Variants in MED12L observed in about 807,000 individuals in gnomAD.
MED12L encodes the protein mediator complex subunit 12L, also known as mediator of RNA polymerase II transcription subunit 12-like protein.
MED12L carries 60 observed loss-of-function variants against 281.3 expected under a neutral mutation model. The observed-to-expected ratio is 0.21, with a 90% CI of 0.17 to 0.26. MED12L has a LOEUF of 0.26. Among genes scored for constraint, MED12L ranks in the 10% least tolerant of loss-of-function variants. The pLI is 1.00. For missense variants in MED12L, 2,146 were observed against 2,680.9 expected (o/e 0.80, Z 4.41); for synonymous variants, 974 against 987.2 (o/e 0.99, Z 0.25).
At chr3:151,322,548 G>T (rs940610799) in intron 16 of MED12L, among the ~76,000 whole-genome samples, 4 of 152,056 alleles carry the variant, frequency 2.6e-5, no homozygotes, top group East Asian at 1.9e-4. Flanking sequence ...GATAAGGGTT[G>T]CTTCTACTTC....
At chr3:151,338,811 C>T in intron 16 of MED12L, 1 of 1,613,654 alleles carries the variant, frequency 6.2e-7, no homozygotes, top group Non-Finnish European at 8.5e-7. Flanking sequence ...ACTGGTGTTA[C>T]CAGGCGCAGA....
At chr3:151,415,169 A>G (rs1717399353) in intron 42 of MED12L, among the ~76,000 whole-genome samples, 1 of 152,212 alleles carries the variant, frequency 6.6e-6, no homozygotes, top group Admixed American at 6.5e-5. Context: ...GCCTTTTCTT[A>G]TTAGACCATA....
At chr3:151,120,955 C>G (rs1396620968) in intron 3 of MED12L, among the ~76,000 whole-genome samples, 1 of 152,204 alleles carries the variant, frequency 6.6e-6, no homozygotes, top group Non-Finnish European at 1.5e-5. Flanking sequence ...CATGCAGTCA[C>G]TGTGTTCCAT....
At position 151,366,558 on chromosome 3, in the gene MED12L, A is replaced by G. The variant is rs557081775; in HGVS notation, c.3327+567A>G. On this transcript the variant is annotated intron_variant, in intron 23 of 44. Transcript: ENST00000687756. ...CCTTGGATATCATGTTGCATCCATG[A>G]TGTGTGTATTTCTTTAAAAATCTGT... Among the ~76,000 whole-genome samples, 7 of 152,254 alleles carry G rather than the reference A, an allele frequency of 4.6e-5. No individual in the cohort carries two copies. The South Asian group carries it at 1.4e-3, about 31-fold the overall frequency.
chr3:151,154,337 A>T (rs894721831), intron 5 of MED12L, among the ~76,000 whole-genome samples: 4 of 152,160 alleles, frequency 2.6e-5, no homozygotes, highest in African/African-American at 7.2e-5. Flanking sequence ...CAACGTTTTT[A>T]AAAAAGATAT....
chr3:151,320,812 G>C (rs1424156858), intron 16 of MED12L, among the ~76,000 whole-genome samples: 2 of 152,186 alleles, frequency 1.3e-5, no homozygotes, highest in Admixed American at 6.5e-5. Context: ...GTGTCCGGCT[G>C]TGACAAGACT....
chr3:151,234,955 A>G lies in MED12L; in HGVS notation c.2250+41289A>G, dbSNP rs574858388. 2.6e-5 allele frequency among the ~76,000 whole-genome samples: 4 copies of G among 152,338 alleles called. No homozygotes were observed. The East Asian group carries it at 5.8e-4, about 22-fold the overall frequency. Reference sequence around the variant, plus strand: ...CAAACGTTCCAGCGAACTTTCTTCTATCTCTTCTATTTCTAACCACGTCAT... The same window carrying G: ...CAAACGTTCCAGCGAACTTTCTTCTGTCTCTTCTATTTCTAACCACGTCAT... On this transcript the variant is annotated intron_variant, in intron 16 of 44. Transcript: ENST00000687756.
intron 40 of MED12L, 73 bp downstream of exon 40, chr3:151,409,405 T>C (rs1384886903): frequency 7.6e-7 from 1 of 1,313,006 alleles, no homozygotes; most frequent in Non-Finnish European, 1.1e-6. Flanking sequence ...ATTAAGTAAA[T>C]AGAATATATC....
intron 39 of MED12L, among the ~76,000 whole-genome samples, chr3:151,407,911 GC>G (rs1716517443): frequency 6.6e-6 from 1 of 152,186 alleles, no homozygotes; most frequent in South Asian, 2.1e-4. Context: ...TCTTAGGTAT[GC>G]ATTTGGTTTT....
chr3:151,277,871 A>G (rs1742153949), intron 16 of MED12L, among the ~76,000 whole-genome samples: 1 of 152,270 alleles, frequency 6.6e-6, no homozygotes, highest in African/African-American at 2.4e-5. Flanking sequence ...ATATCTGTAC[A>G]CATATGCAAT....
At chr3:151,160,805 CAG>C (rs1013517722) in intron 8 of MED12L, among the ~76,000 whole-genome samples, 11 of 152,156 alleles carry the variant, frequency 7.2e-5, no homozygotes, top group African/African-American at 2.7e-4. Flanking sequence ...GGGAGATACA[CAG>C]GGGGCCAAGG....
At position 151,411,499 on chromosome 3, in the gene MED12L, C is replaced by A. The variant is rs1163587607; in HGVS notation, c.6132C>A (p.Gly2044=). The change falls in exon 41 of 45, where the codon GGC becomes GGA. Residue 2044 remains glycine (G), a synonymous_variant. Transcript: ENST00000687756. ...QASPYLQPLT[G]SQRLNHQALQ... ...CGCCGTACCTGCAGCCCCTGACTGG[C>A]TCTCAGAGGTGATACATGTGGAAAT... 1.9e-6 allele frequency: 3 copies of A among 1,613,880 alleles called. No individual in the cohort carries two copies. The highest frequency in any genetic ancestry group is 2.5e-6 in the Non-Finnish European group (3 of 1,179,856).
intron 17 of MED12L, among the ~76,000 whole-genome samples, chr3:151,350,528 CT>C (rs1455831246): frequency 2.0e-5 from 3 of 152,004 alleles, no homozygotes; most frequent in Non-Finnish European, 4.4e-5. Context: ...AAATGAAGTA[CT>C]GAAGAATGAG....
At chr3:151,228,931 A>T (rs1040116053) in intron 16 of MED12L, among the ~76,000 whole-genome samples, 9 of 152,148 alleles carry the variant, frequency 5.9e-5, no homozygotes, top group African/African-American at 2.2e-4. Context: ...CCTCACTGAG[A>T]TGGTATTTGC....
At chr3:151,163,211 T>C (rs1401559312) in intron 8 of MED12L, among the ~76,000 whole-genome samples, 4 of 152,182 alleles carry the variant, frequency 2.6e-5, no homozygotes, top group Non-Finnish European at 5.9e-5. Flanking sequence ...TCATATAAAG[T>C]ACTTCTGGTT....
intron 11 of MED12L, among the ~76,000 whole-genome samples, chr3:151,170,930 A>T (rs1721347483): frequency 6.6e-6 from 1 of 152,048 alleles, no homozygotes; most frequent in South Asian, 2.1e-4. Context: ...AAATTCTTAG[A>T]TTCTGCTTGG....
rs997394069 is a variant in MED12L at position 151,092,193 on chromosome 3, T to A, written c.99+5168T>A. 4.6e-5 allele frequency among the ~76,000 whole-genome samples: 7 copies of A among 152,340 alleles called. No homozygotes were observed. In the South Asian group the frequency reaches 1.5e-3, roughly 32 times the overall value. On this transcript the variant is annotated intron_variant, in intron 2 of 44. Transcript: ENST00000687756. ...TGTCCCTTGCTCCCTGCAGCAGTTTTGTTTCCTGTCATTTGGTTCTTAGCT... is the reference window on the plus strand; with the variant it reads ...TGTCCCTTGCTCCCTGCAGCAGTTTAGTTTCCTGTCATTTGGTTCTTAGCT...
chr3:151,323,344 C>T (rs2149832942), intron 16 of MED12L, among the ~76,000 whole-genome samples: 1 of 152,312 alleles, frequency 6.6e-6, no homozygotes, highest in Non-Finnish European at 1.5e-5. Context: ...TCCTAAAGCA[C>T]AGCCCAGAAC....
intron 33 of MED12L, 59 bp from the exon 34 acceptor site, chr3:151,383,720 A>T: frequency 1.9e-6 from 2 of 1,071,796 alleles, no homozygotes; most frequent in Non-Finnish European, 2.8e-6. Context: ...AACATAAAGC[A>T]ATGGGGTGTT....
Sources: gnomAD v4.1 joint callset for allele counts (sites outside exome capture counted in the v4.1 genomes callset) on GRCh38, gnomAD v4.1.1 for gene constraint, MANE v1.5 for transcripts, NCBI Gene and HGNC (gene_info 2026-07-23, HGNC 2026-07-21) for gene names.